NEMF: variants seen among roughly 807,000 people sequenced by gnomAD.
The protein encoded by NEMF is nuclear export mediator factor, also known as ribosome quality control complex subunit NEMF.
NEMF carries 89 observed loss-of-function variants against 162.2 expected under a neutral mutation model. That is an observed-to-expected ratio of 0.55 (90% CI 0.46 to 0.65). NEMF has a LOEUF of 0.65. NEMF is among the 30% of genes least tolerant of loss of function. NEMF has a pLI of 0.00. For synonymous variants in NEMF, 421 were observed against 404.5 expected (o/e 1.04, Z -0.49); for missense variants, 1,133 against 1,261.9 (o/e 0.90, Z 1.55).
chr14:49,844,261 G>A (rs569169098), intron 4 of NEMF, among the ~76,000 whole-genome samples: 3 of 152,148 alleles, frequency 2.0e-5, no homozygotes, highest in East Asian at 1.9e-4. Flanking sequence ...TTAGATTCTC[G>A]CAAGAAGCAT....
intron 26 of NEMF, among the ~76,000 whole-genome samples, chr14:49,793,117 GA>G (rs1890531112): frequency 6.6e-6 from 1 of 152,054 alleles, no homozygotes; most frequent in African/African-American, 2.4e-5. Flanking sequence ...TAAAATCTTA[GA>G]AACAGTTCCT....
rs375963447 is a variant in NEMF, at chr14:49,785,230, T to C, written c.3019A>G (p.Thr1007Ala). 54 of 1,613,236 alleles carry C rather than the reference T, an allele frequency of 3.3e-5. No individual in the cohort carries two copies. The highest frequency in any genetic ancestry group is 4.4e-5 in the Non-Finnish European group (52 of 1,179,310). ...IPICAPYTTMTNYKYKVKLTP... is the reference protein window; with the variant it reads ...IPICAPYTTMANYKYKVKLTP... ...CTAATGGTAACTTACTTGTAGTTTG[T>C]CATGGTGGTGTAAGGGGCACATATT... Residue 1007 changes from threonine to alanine, a missense_variant, in exon 30 of 33, where the codon ACA (threonine) becomes GCA (alanine). Thr to Ala is a moderately conservative substitution (Grantham distance 58). Around this residue, in one of 3 missense-constraint regions of NEMF, gnomAD observed 532 missense variants for 578.6 expected, o/e 0.92. Coordinates refer to ENST00000298310, the MANE Select transcript of NEMF (RefSeq NM_004713.6).
intron 7 of NEMF, chr14:49,834,112 T>TG (rs1195325187): frequency 8.7e-6 from 5 of 572,450 alleles, no homozygotes; most frequent in South Asian, 1.6e-5. Context: ...TTTTTTGAGA[T>TG]GGGGGTCTCA....
intron 6 of NEMF, among the ~76,000 whole-genome samples, chr14:49,836,544 G>C (rs529325580): frequency 6.6e-6 from 1 of 152,142 alleles, no homozygotes. Context: ...CTACTTGTGG[G>C]GCTGAGGCAG....
intron 26 of NEMF, among the ~76,000 whole-genome samples, chr14:49,789,947 C>T (rs963526721): frequency 2.0e-5 from 3 of 152,162 alleles, no homozygotes; most frequent in African/African-American, 4.8e-5. Flanking sequence ...AATAAAGCAG[C>T]AAAGCTAGGC....
At chr14:49,825,725 C>A in intron 16 of NEMF, 142 bp downstream of exon 16, 1 of 588,774 alleles carries the variant, frequency 1.7e-6, no homozygotes, top group Admixed American at 3.2e-5. Flanking sequence ...GACAGAGAAC[C>A]TGTCTCAAAC....
intron 5 of NEMF, among the ~76,000 whole-genome samples, chr14:49,838,661 T>C (rs1893031834): frequency 6.6e-6 from 1 of 150,634 alleles, no homozygotes; most frequent in African/African-American, 2.4e-5. Context: ...CTCGGCTCGC[T>C]ACAAGCTCCG....
intron 26 of NEMF, among the ~76,000 whole-genome samples, chr14:49,791,104 G>C (rs1890421597): frequency 6.6e-6 from 1 of 151,786 alleles, no homozygotes; most frequent in African/African-American, 2.4e-5. Flanking sequence ...GGGTGGCCGA[G>C]GCGGGTGGAT....
At chr14:49,838,372 T>C (rs1287865241) in intron 5 of NEMF, among the ~76,000 whole-genome samples, 166 bp from the exon 6 acceptor site, 1 of 152,136 alleles carries the variant, frequency 6.6e-6, no homozygotes, top group Admixed American at 6.6e-5. Context: ...ATAAAAGATA[T>C]TTACCCAAGA....
chr14:49,844,450 T>C (rs1234144838), intron 4 of NEMF, among the ~76,000 whole-genome samples: 1 of 151,994 alleles, frequency 6.6e-6, no homozygotes, highest in Non-Finnish European at 1.5e-5. Context: ...GGCACAGGGG[T>C]TGAAGATCCC....
intron 20 of NEMF, among the ~76,000 whole-genome samples, chr14:49,803,003 C>A (rs748274595): frequency 3.9e-5 from 6 of 152,070 alleles, no homozygotes; most frequent in Non-Finnish European, 8.8e-5. Flanking sequence ...CCTTTCTTAC[C>A]CTTATAACTA....
chr14:49,833,543 C>T, intron 7 of NEMF, 47 bp from the exon 8 acceptor site: 1 of 1,278,672 alleles, frequency 7.8e-7, no homozygotes, highest in Non-Finnish European at 1.1e-6. Context: ...AATCAAGTGT[C>T]AATTAACCGT....
chr14:49,789,683 A>C (rs1455178707), intron 26 of NEMF, 110 bp from the exon 27 acceptor site: 2 of 1,401,176 alleles, frequency 1.4e-6, no homozygotes, highest in Non-Finnish European at 9.5e-7. Flanking sequence ...ATGCTTACTG[A>C]ATAAGGCACC....
intron 26 of NEMF, among the ~76,000 whole-genome samples, chr14:49,791,944 A>G (rs1227778754): frequency 2.6e-5 from 4 of 151,872 alleles, no homozygotes; most frequent in African/African-American, 4.8e-5. Flanking sequence ...ACCTGAATAA[A>G]CCTAAAATCA....
Position 49,814,856 on chromosome 14 carries a change from A to G in NEMF, c.1579T>C (p.Phe527Leu). The change falls in exon 17 of 33, where the codon TTT becomes CTT. Residue 527 changes from phenylalanine to leucine, a missense_variant and splice_region_variant. Physicochemically the swap from Phe to Leu is conservative, Grantham distance 22 (BLOSUM62 0). This residue lies in a region of NEMF where 582 missense variants were observed against 631.5 expected (regional missense o/e 0.92). Transcript: ENST00000298310. Reference protein sequence around the residue: ...SIQKARKVYWFEKFLWFISSE... With the variant: ...SIQKARKVYWLEKFLWFISSE... ...CTAATGAACCACAGAAATTTCTCAA[A>G]CCTATCAAAATGAAAGAAAAAAAGT... 6.5e-7 allele frequency: 1 copy of G among 1,540,584 alleles called. No individual in the cohort carries two copies. Among genetic ancestry groups the G allele is most frequent in the Non-Finnish European group, 8.8e-7 (1 of 1,138,970 alleles).
At chr14:49,850,558 C>T (rs183520013) in intron 3 of NEMF, among the ~76,000 whole-genome samples, 11 of 152,108 alleles carry the variant, frequency 7.2e-5, no homozygotes, top group South Asian at 2.1e-4. Flanking sequence ...ATATGTGACT[C>T]GAAAGTCTCG....
chr14:49,806,013 C>T lies in NEMF; in HGVS notation c.1857+8G>A, dbSNP rs1891171530. The T allele has an allele frequency of 3.8e-6, 6 of 1,590,294 alleles. No individual in the cohort carries two copies. Among genetic ancestry groups the T allele is most frequent in the Admixed American group, 1.7e-5 (1 of 59,154 alleles). On this transcript the variant is annotated splice_region_variant and intron_variant, in intron 19 of 32. Coordinates refer to ENST00000298310, the MANE Select transcript of NEMF (RefSeq NM_004713.6). ...TAAATTAAGAAAAAGGACAAGAGCC[C>T]TTATTACCTGATGATGGTACACCCA... is the stretch of plus-strand genomic sequence containing the variant.
chr14:49,815,566 TAACTTA>T (rs1891675956), intron 16 of NEMF, among the ~76,000 whole-genome samples: 1 of 152,186 alleles, frequency 6.6e-6, no homozygotes, highest in Admixed American at 6.6e-5. Flanking sequence ...CACAGATACT[TAACTTA>T]AACTCCCTAA....
At chr14:49,788,731 A>AT (rs1201325455) in intron 28 of NEMF, among the ~76,000 whole-genome samples, 1 of 151,500 alleles carries the variant, frequency 6.6e-6, no homozygotes, top group Admixed American at 6.6e-5. Flanking sequence ...ATTTTTTTGT[A>AT]TTTTTTTAGT....
Sources: allele counts gnomAD v4.1 joint callset (sites outside exome capture counted in the v4.1 genomes callset), GRCh38; gene constraint gnomAD v4.1.1; regional missense constraint gnomAD v4.1.1; transcripts MANE v1.5; gene names NCBI Gene and HGNC (gene_info 2026-07-23, HGNC 2026-07-21).